Variants in SLTM observed in about 807,000 individuals in gnomAD.
The protein encoded by SLTM is SAFB like transcription modulator.
In SLTM, 43 loss-of-function variants were observed where a neutral mutation model predicts 134.6. The observed-to-expected ratio is 0.32, with a 90% CI of 0.25 to 0.41. SLTM has a LOEUF of 0.41. Ranked by LOEUF, SLTM falls within the 10% of genes least tolerant of loss-of-function variation. The pLI is 1.00. For missense variants in SLTM, 1,055 were observed against 1,288.8 expected (o/e 0.82, Z 2.78); for synonymous variants, 424 against 432.3 (o/e 0.98, Z 0.24).
chr15:58,906,218 G>A (rs2035859143), intron 5 of SLTM, among the ~76,000 whole-genome samples: 1 of 152,056 alleles, frequency 6.6e-6, no homozygotes, highest in Non-Finnish European at 1.5e-5. Flanking sequence ...TTCTCCCACT[G>A]AAAACAGATT....
Position 58,899,458 on chromosome 15 carries a change from G to GA in SLTM, c.1058+10dup, listed in dbSNP as rs369182674. Reference sequence around the variant, plus strand: ...TTCAGTATCGTAAAGAACTGACATAGAAAAACAAACCTCTTTGCTTGACCA... The same window carrying GA: ...TTCAGTATCGTAAAGAACTGACATAGAAAAAACAAACCTCTTTGCTTGACCA... On this transcript the variant is annotated intron_variant, in intron 7 of 20. Coordinates refer to ENST00000380516, the MANE Select transcript of SLTM (RefSeq NM_024755.4). The surrounding 1 kb of genome is among the most constrained non-coding windows in gnomAD (Gnocchi z 5.0). The GA allele has an allele frequency of 6.2e-7, 1 of 1,610,260 alleles. No individual in the cohort carries two copies. Among genetic ancestry groups the GA allele is most frequent in the Non-Finnish European group, 8.5e-7 (1 of 1,177,294 alleles).
chr15:58,889,343 G>A, intron 16 of SLTM, 87 bp downstream of exon 16: 1 of 1,525,354 alleles, frequency 6.6e-7, no homozygotes, highest in Non-Finnish European at 8.9e-7. Context: ...TCCAGTGATG[G>A]GAGCCTGTAC....
At chr15:58,909,865 G>A (rs1372899071) in intron 5 of SLTM, among the ~76,000 whole-genome samples, 1 of 152,214 alleles carries the variant, frequency 6.6e-6, no homozygotes, top group Non-Finnish European at 1.5e-5. Flanking sequence ...TACATGAGAT[G>A]CCTGTTTTTG....
intron 19 of SLTM, among the ~76,000 whole-genome samples, chr15:58,886,411 C>T (rs547289431): frequency 6.6e-6 from 1 of 151,846 alleles, no homozygotes; most frequent in East Asian, 1.9e-4. Context: ...GGATTACAGG[C>T]GCCCACCACC....
chr15:58,888,554 G>T lies in SLTM; in HGVS notation c.2206C>A (p.Arg736=). The change falls in exon 17 of 21, where the codon CGA becomes AGA. Residue 736 remains arginine (R), a splice_region_variant and synonymous_variant. Coordinates refer to ENST00000380516, the MANE Select transcript of SLTM (RefSeq NM_024755.4). ...TTCTCGCTCCAGTAAGGATCATCTC[G>T]CCTTGAAGAGAAATATTTGCTTATT... ...LKRPRDVDHR[R]DDPYWSENKK... 6.2e-7 allele frequency: 1 copy of T among 1,610,426 alleles called. No individual in the cohort carries two copies. Among genetic ancestry groups the T allele is most frequent in the Non-Finnish European group, 8.5e-7 (1 of 1,178,974 alleles).
rs1306121440 is a variant in SLTM at position 58,899,416 on chromosome 15, C to T, written c.1058+53G>A. ...AGCCACCCCCTTAATGTAGAGTGATCTTATTGAATGCTGGAATTCAGTATC... is the reference window on the plus strand; with the variant it reads ...AGCCACCCCCTTAATGTAGAGTGATTTTATTGAATGCTGGAATTCAGTATC... On this transcript the variant is annotated intron_variant, in intron 7 of 20. Transcript: ENST00000380516. This position sits in a 1 kb window ranked among gnomAD's most constrained non-coding sequence, Gnocchi z 5.0. The T allele has an allele frequency of 6.9e-7, 1 of 1,440,122 alleles. No individual in the cohort carries two copies. 89.2% of individuals were successfully genotyped at this position (1,440,122 alleles called of 1,614,324 possible). A position where few individuals can be genotyped will look rare whatever the true frequency, so the allele number is the denominator to read the frequency against.
At chr15:58,921,129 TGAAGTGGCATCTATGGTCCAGGTGCTA>T (rs1285765227) in intron 2 of SLTM, among the ~76,000 whole-genome samples, 1 of 152,218 alleles carries the variant, frequency 6.6e-6, no homozygotes, top group Non-Finnish European at 1.5e-5. Context: ...TCATTACCAC[TGAAGTGGCATCTATGGTCCAGGTGCTA>T]GGATAAATTC....
intron 16 of SLTM, 131 bp from the exon 17 acceptor site, chr15:58,888,686 A>G (rs2034421285): frequency 1.4e-6 from 1 of 735,306 alleles, no homozygotes; most frequent in Non-Finnish European, 2.1e-6. Flanking sequence ...GACATAACAC[A>G]TCAGGAGTAC....
At chr15:58,896,074 G>A (rs567024569) in intron 9 of SLTM, among the ~76,000 whole-genome samples, 5 of 152,268 alleles carry the variant, frequency 3.3e-5, no homozygotes, top group East Asian at 3.9e-4. Flanking sequence ...ATTGAGAGCC[G>A]TCAGGGATGC....
At chr15:58,898,944 G>A (rs2035286353) in intron 7 of SLTM, 92 bp from the exon 8 acceptor site, 1 of 874,642 alleles carries the variant, frequency 1.1e-6, no homozygotes, top group Non-Finnish European at 1.8e-6. Context: ...TTTCAAACTA[G>A]TGCTATTCAT....
At chr15:58,925,423 T>C (rs1433404499) in intron 2 of SLTM, among the ~76,000 whole-genome samples, 1 of 152,184 alleles carries the variant, frequency 6.6e-6, no homozygotes, top group Non-Finnish European at 1.5e-5. Context: ...GTGCAACCTC[T>C]GCATCCTGGG....
At chr15:58,925,337 G>GT (rs758229959) in intron 2 of SLTM, among the ~76,000 whole-genome samples, 2 of 151,976 alleles carry the variant, frequency 1.3e-5, no homozygotes, top group Non-Finnish European at 2.9e-5. Flanking sequence ...GTCACTCTGA[G>GT]TTTTTTGTTT....
At chr15:58,925,375 T>C (rs1428136587) in intron 2 of SLTM, among the ~76,000 whole-genome samples, 1 of 152,228 alleles carries the variant, frequency 6.6e-6, no homozygotes, top group Non-Finnish European at 1.5e-5. Flanking sequence ...TCTTACTCTA[T>C]TGCCCAGGCT....
chr15:58,929,693 T>C (rs1476917624), intron 2 of SLTM, among the ~76,000 whole-genome samples: 1 of 152,168 alleles, frequency 6.6e-6, no homozygotes, highest in African/African-American at 2.4e-5. Context: ...TTTGGGATTA[T>C]AGGCATGAGC....
chr15:58,917,299 T>G (rs868505945), intron 2 of SLTM, among the ~76,000 whole-genome samples: 2 of 152,258 alleles, frequency 1.3e-5, no homozygotes, highest in African/African-American at 4.8e-5. Flanking sequence ...CTCAGTTATC[T>G]GAGAAGCTGT....
chr15:58,890,091 G>C (rs754677709), intron 15 of SLTM, 190 bp downstream of exon 15: 6 of 629,494 alleles, frequency 9.5e-6, no homozygotes, highest in South Asian at 2.1e-5. Flanking sequence ...CAGTTATCTA[G>C]AACAAAGTCA....
Position 58,888,355 on chromosome 15 carries a change from AATAAAT to A in SLTM, c.2375+24_2375+29del, listed in dbSNP as rs2034392481. 6 of 1,551,814 alleles carry A rather than the reference AATAAAT, an allele frequency of 3.9e-6. No individual in the cohort carries two copies. The African/African-American group carries it at 4.2e-5, about 11-fold the overall frequency. Reference sequence around the variant, plus strand: ...GAGTTATCACTAGCAAGGCTCATAAAATAAATATAACAATTTTCAACATATCTACCT... The same window carrying A: ...GAGTTATCACTAGCAAGGCTCATAAAATAACAATTTTCAACATATCTACCT... On this transcript the variant is annotated intron_variant, in intron 17 of 20. Coordinates refer to ENST00000380516, the MANE Select transcript of SLTM (RefSeq NM_024755.4).
rs7175939 is a variant in SLTM at position 58,899,824 on chromosome 15, C to G, written c.703G>C (p.Val235Leu). Residue 235 changes from valine to leucine, a missense_variant, in exon 7 of 21, where the codon GTG becomes CTG. Coordinates refer to ENST00000380516, the MANE Select transcript of SLTM (RefSeq NM_024755.4). This position sits in a 1 kb window ranked among gnomAD's most constrained non-coding sequence, Gnocchi z 5.0. ...ATGTTGTCATCCTCAGCTTCTTTCACAGTCGTATGAGCTTCCATCTCTTCA... is the reference window on the plus strand; with the variant it reads ...ATGTTGTCATCCTCAGCTTCTTTCAGAGTCGTATGAGCTTCCATCTCTTCA... ...AHEEMEAHTT[V>L]KEAEDDNISV... The G allele has an allele frequency of 6.0e-5, 97 of 1,614,046 alleles. No individual in the cohort carries two copies. The African/African-American group carries it at 8.5e-4, about 14-fold the overall frequency.
At chr15:58,933,289 G>A in intron 1 of SLTM, 115 bp downstream of exon 1, 1 of 1,200,310 alleles carries the variant, frequency 8.3e-7, no homozygotes, top group Non-Finnish European at 1.1e-6. Context: ...TCCCTACCAT[G>A]CCGTTCCGCA....
Sources: allele counts gnomAD v4.1 joint callset (sites outside exome capture counted in the v4.1 genomes callset), GRCh38; gene constraint gnomAD v4.1.1; non-coding constraint Gnocchi (gnomAD v3.1); transcripts MANE v1.5; gene names NCBI Gene and HGNC (gene_info 2026-07-23, HGNC 2026-07-21).